RBFOX1: variants seen among roughly 807,000 people sequenced by gnomAD.
RBFOX1 encodes the protein RNA binding fox-1 homolog 1.
RBFOX1 carries 8 observed loss-of-function variants against 57.7 expected under a neutral mutation model. That is an observed-to-expected ratio of 0.14 (90% confidence interval 0.08 to 0.25). RBFOX1 has a LOEUF of 0.25. Ranked by LOEUF, RBFOX1 falls within the 10% of genes least tolerant of loss-of-function variation. RBFOX1 has a pLI of 1.00. For synonymous variants in RBFOX1, 326 were observed against 222.4 expected, an observed-to-expected ratio of 1.47 and a Z score of -4.15; for missense variants, 611 against 548.5, an observed-to-expected ratio of 1.11 and a Z score of -1.14.
intron 4 of RBFOX1, among the ~76,000 whole-genome samples, chr16:7,231,855 T>A (rs1301449611): frequency 6.6e-6 from 1 of 152,078 alleles, no homozygotes; most frequent in Admixed American, 6.5e-5. Flanking sequence ...AGTAGGTAAA[T>A]CCACACCAAC....
chr16:7,032,641 A>C (rs958667303), intron 3 of RBFOX1, among the ~76,000 whole-genome samples: 1 of 151,900 alleles, frequency 6.6e-6, no homozygotes, highest in Non-Finnish European at 1.5e-5. Context: ...TCCTCAAGCT[A>C]ATTGCTTGAT....
chr16:7,145,053 A>G (rs917223937), intron 4 of RBFOX1, among the ~76,000 whole-genome samples: 7 of 152,130 alleles, frequency 4.6e-5, no homozygotes, highest in Admixed American at 6.5e-5. Flanking sequence ...GCCGGATGTG[A>G]CTGGTCTGCT....
chr16:5,794,670 C>A (rs912270265), intron 3 of RBFOX1, among the ~76,000 whole-genome samples: 1 of 152,112 alleles, frequency 6.6e-6, no homozygotes, highest in Admixed American at 6.5e-5. Flanking sequence ...GGCGGCCCAG[C>A]AGGAGGGGAG....
At chr16:6,316,929 A>C in intron 1 of RBFOX1, 66 bp from the exon 2 acceptor site, 1 of 1,421,656 alleles carries the variant, frequency 7.0e-7, no homozygotes, top group Non-Finnish European at 9.6e-7. Flanking sequence ...TATGACAAAA[A>C]AAGTGCGGAC....
intron 1 of RBFOX1, among the ~76,000 whole-genome samples, chr16:6,106,154 T>C (rs1158111577): frequency 6.6e-6 from 1 of 152,142 alleles, no homozygotes; most frequent in East Asian, 1.9e-4. Context: ...TTGACTTCTT[T>C]ATCAAGAATC....
At chr16:6,420,659 T>C (rs1009243131) in intron 2 of RBFOX1, among the ~76,000 whole-genome samples, 1 of 152,182 alleles carries the variant, frequency 6.6e-6, no homozygotes, top group African/African-American at 2.4e-5. Context: ...AGTGTATTGG[T>C]GTTTGCTCAT....
chr16:7,221,747 C>T (rs1179805570), intron 4 of RBFOX1, among the ~76,000 whole-genome samples: 2 of 152,190 alleles, frequency 1.3e-5, no homozygotes, highest in East Asian at 1.9e-4. Flanking sequence ...TGTGGTTATT[C>T]AATGGCCATC....
chr16:6,956,050 G>A (rs2081762885), intron 3 of RBFOX1, among the ~76,000 whole-genome samples: 1 of 152,108 alleles, frequency 6.6e-6, no homozygotes, highest in Non-Finnish European at 1.5e-5. Context: ...TTTTGATTAA[G>A]TGAGTTATCT....
At chr16:7,315,800 G>A (rs1450314146) in intron 4 of RBFOX1, among the ~76,000 whole-genome samples, 1 of 152,088 alleles carries the variant, frequency 6.6e-6, no homozygotes, top group East Asian at 1.9e-4. Context: ...TCTATTATTT[G>A]AATTCGTGAG....
chr16:6,045,175 A>T (rs2152424187), intron 1 of RBFOX1, among the ~76,000 whole-genome samples: 1 of 152,316 alleles, frequency 6.6e-6, no homozygotes, highest in Middle Eastern at 3.4e-3. Flanking sequence ...CTGATTCAGT[A>T]AGTCTAGGGT....
intron 4 of RBFOX1, among the ~76,000 whole-genome samples, chr16:7,483,532 C>G (rs368534179): frequency 2.0e-5 from 3 of 152,146 alleles, no homozygotes; most frequent in Non-Finnish European, 4.4e-5. Context: ...CCAGACCTTT[C>G]CTGGGATGCC....
At chr16:6,719,440 A>C (rs1298261943) in intron 3 of RBFOX1, among the ~76,000 whole-genome samples, 2 of 141,912 alleles carry the variant, frequency 1.4e-5, no homozygotes, top group East Asian at 4.5e-4. Context: ...TCTTCAAAAT[A>C]ACCTGTTTTT....
At chr16:6,851,164 A>G (rs780249465) in intron 3 of RBFOX1, among the ~76,000 whole-genome samples, 1 of 152,236 alleles carries the variant, frequency 6.6e-6, no homozygotes, top group Non-Finnish European at 1.5e-5. Flanking sequence ...AGTCTCAGCA[A>G]TCATTTTTAT....
chr16:6,936,705 A>G (rs909495671), intron 3 of RBFOX1, among the ~76,000 whole-genome samples: 3 of 152,142 alleles, frequency 2.0e-5, no homozygotes, highest in Non-Finnish European at 4.4e-5. Context: ...CATTAGATTA[A>G]TATTAAAACA....
intron 2 of RBFOX1, among the ~76,000 whole-genome samples, chr16:5,538,008 C>A (rs2044768369): frequency 6.6e-6 from 1 of 152,168 alleles, no homozygotes. Flanking sequence ...AGCATAAGAA[C>A]CACAGAGATA....
intron 3 of RBFOX1, among the ~76,000 whole-genome samples, chr16:5,705,112 G>A (rs943640062): frequency 2.6e-5 from 4 of 152,116 alleles, no homozygotes; most frequent in African/African-American, 9.7e-5. Context: ...ATTATTATTA[G>A]TAAAGATAGG....
intron 4 of RBFOX1, among the ~76,000 whole-genome samples, chr16:7,263,704 T>C (rs541491097): frequency 1.3e-5 from 2 of 151,956 alleles, no homozygotes; most frequent in African/African-American, 4.8e-5. Flanking sequence ...GAGACCAGCC[T>C]GGCTAACATG....
intron 4 of RBFOX1, among the ~76,000 whole-genome samples, chr16:7,455,205 A>G (rs2058255912): frequency 6.6e-6 from 1 of 152,172 alleles, no homozygotes; most frequent in South Asian, 2.1e-4. Flanking sequence ...TAGCCTACCA[A>G]ATGCTTTGGT....
At chr16:6,177,156 A>G (rs1261372371) in intron 1 of RBFOX1, among the ~76,000 whole-genome samples, 1 of 151,790 alleles carries the variant, frequency 6.6e-6, no homozygotes. Flanking sequence ...CTAATTATGG[A>G]AGTAGACAAC....
Sources: gnomAD v4.1 joint callset for allele counts (sites outside exome capture counted in the v4.1 genomes callset) on GRCh38, gnomAD v4.1.1 for gene constraint, MANE v1.5 for transcripts, NCBI Gene and HGNC (gene_info 2026-07-23, HGNC 2026-07-21) for gene names.